The following KCNH8 variants were observed in gnomAD, a reference collection of about 807,000 sequenced individuals.
The protein encoded by KCNH8 is voltage-gated delayed rectifier potassium channel KCNH8.
In KCNH8, 70 loss-of-function variants were observed where a neutral mutation model predicts 103.6. The ratio of observed to expected loss-of-function variants is 0.68; its 90% CI spans 0.56 to 0.82. The LOEUF (loss-of-function observed/expected upper bound fraction) is 0.82. Ranked by LOEUF, KCNH8 falls within the 40% of genes least tolerant of loss-of-function variation. The pLI is 0.00. For synonymous variants in KCNH8, 498 were observed against 489.4 expected (o/e 1.02, Z -0.23); for missense variants, 1,217 against 1,329.9 (o/e 0.92, Z 1.32).
intron 3 of KCNH8, among the ~76,000 whole-genome samples, chr3:19,332,807 A>G (rs2065529675): frequency 6.6e-6 from 1 of 151,706 alleles, no homozygotes; most frequent in Non-Finnish European, 1.5e-5. Flanking sequence ...TAATTTTTGT[A>G]TTTTCAGTAG....
intron 11 of KCNH8, among the ~76,000 whole-genome samples, chr3:19,500,915 A>G (rs1219660458): frequency 6.6e-6 from 1 of 152,234 alleles, no homozygotes; most frequent in Non-Finnish European, 1.5e-5. Context: ...AAGGCAAGAA[A>G]TAACTAAGAT....
intron 1 of KCNH8, among the ~76,000 whole-genome samples, chr3:19,226,660 G>T (rs1297719115): frequency 6.2e-5 from 9 of 146,082 alleles, no homozygotes; most frequent in African/African-American, 2.5e-4. Context: ...AATTCACTCT[G>T]CAGGAAAGGC....
At chr3:19,482,206 A>G (rs2068100603) in intron 11 of KCNH8, among the ~76,000 whole-genome samples, 2 of 152,196 alleles carry the variant, frequency 1.3e-5, no homozygotes, top group Admixed American at 1.3e-4. Context: ...TACAATGTCT[A>G]TAATCTATAG....
intron 1 of KCNH8, among the ~76,000 whole-genome samples, chr3:19,155,936 T>C (rs1030262334): frequency 2.6e-5 from 4 of 152,204 alleles, no homozygotes; most frequent in African/African-American, 4.8e-5. Context: ...GTTGAAATGG[T>C]CTTTGCTCAG....
At chr3:19,340,075 A>T (rs1466210367) in intron 3 of KCNH8, among the ~76,000 whole-genome samples, 4 of 152,094 alleles carry the variant, frequency 2.6e-5, no homozygotes, top group African/African-American at 9.7e-5. Context: ...GTAAATGGAG[A>T]ATAATAATAC....
chr3:19,496,484 A>G (rs1230219544), intron 11 of KCNH8, among the ~76,000 whole-genome samples: 2 of 152,002 alleles, frequency 1.3e-5, no homozygotes, highest in African/African-American at 4.8e-5. Context: ...TCTTTACGTG[A>G]TGAATCATAT....
At chr3:19,288,018 A>G (rs1266953356) in intron 3 of KCNH8, among the ~76,000 whole-genome samples, 2 of 151,882 alleles carry the variant, frequency 1.3e-5, no homozygotes, top group Admixed American at 6.6e-5. Flanking sequence ...CACTTGGAAT[A>G]TATCTTTGTC....
intron 1 of KCNH8, among the ~76,000 whole-genome samples, chr3:19,204,639 T>C (rs2125220216): frequency 6.6e-6 from 1 of 152,086 alleles, no homozygotes; most frequent in Non-Finnish European, 1.5e-5. Context: ...GTATTGTAAA[T>C]GTAAAAAAAT....
At chr3:19,498,028 A>C (rs1000703827) in intron 11 of KCNH8, among the ~76,000 whole-genome samples, 1 of 152,098 alleles carries the variant, frequency 6.6e-6, no homozygotes, top group African/African-American at 2.4e-5. Flanking sequence ...TGTTGGTTTA[A>C]AGTCTGTTTT....
chr3:19,323,792 G>C (rs2065383756), intron 3 of KCNH8, among the ~76,000 whole-genome samples: 1 of 152,182 alleles, frequency 6.6e-6, no homozygotes, highest in Admixed American at 6.5e-5. Context: ...TAGCCACCCA[G>C]TGGAGCAACT....
At chr3:19,257,751 A>G (rs1157043803) in intron 2 of KCNH8, among the ~76,000 whole-genome samples, 1 of 152,088 alleles carries the variant, frequency 6.6e-6, no homozygotes, top group Non-Finnish European at 1.5e-5. Flanking sequence ...GTGATGTATT[A>G]GTTTGTTAGG....
At chr3:19,478,299 C>T (rs1278430422) in intron 11 of KCNH8, among the ~76,000 whole-genome samples, 2 of 151,766 alleles carry the variant, frequency 1.3e-5, no homozygotes, top group Non-Finnish European at 2.9e-5. Flanking sequence ...GGTGTATACC[C>T]AGTAGTGGGA....
At chr3:19,451,734 C>G (rs1007602826) in intron 10 of KCNH8, among the ~76,000 whole-genome samples, 1 of 152,098 alleles carries the variant, frequency 6.6e-6, no homozygotes. Flanking sequence ...ATATATACTG[C>G]CTTCTGGTGA....
chr3:19,187,765 A>G (rs946642930), intron 1 of KCNH8, among the ~76,000 whole-genome samples: 3 of 152,096 alleles, frequency 2.0e-5, no homozygotes, highest in Admixed American at 1.3e-4. Context: ...TTTATTAAAT[A>G]TGTTTTAAAT....
Position 19,533,660 on chromosome 3 carries a change from A to T in KCNH8, c.2885A>T (p.Asp962Val). Residue 962 changes from aspartate to valine, a missense_variant, in exon 16 of 16, where the codon GAT (aspartate) becomes GTT (valine). By Grantham distance (152) the Asp-to-Val change is radical. Coordinates refer to ENST00000328405, the MANE Select transcript of KCNH8 (RefSeq NM_144633.3). Reference sequence around the variant, plus strand: ...ATCACCTCAGACATTTGGAGTGTGGATCCCTCCTCTGTGGGGAGCAGCCCC... The same window carrying T: ...ATCACCTCAGACATTTGGAGTGTGGTTCCCTCCTCTGTGGGGAGCAGCCCC... ...SNITSDIWSV[D>V]PSSVGSSPQR... is the part of the protein sequence containing the mutation. The T allele has an allele frequency of 1.2e-6, 2 of 1,614,132 alleles. No individual in the cohort carries two copies. Among genetic ancestry groups the T allele is most frequent in the East Asian group, 4.5e-5 (2 of 44,874 alleles).
chr3:19,341,566 TATG>T (rs2065660034), intron 3 of KCNH8, among the ~76,000 whole-genome samples: 1 of 152,108 alleles, frequency 6.6e-6, no homozygotes, highest in African/African-American at 2.4e-5. Context: ...TGGTGGCACA[TATG>T]ATGAGAAAAT....
At chr3:19,182,611 C>G (rs1050388438) in intron 1 of KCNH8, among the ~76,000 whole-genome samples, 2 of 152,122 alleles carry the variant, frequency 1.3e-5, no homozygotes, top group Admixed American at 1.3e-4. Flanking sequence ...TGATATAATC[C>G]TGTGAAGAAG....
chr3:19,472,848 ACAAAATACATCT>A (rs2067891914), intron 11 of KCNH8, among the ~76,000 whole-genome samples: 1 of 152,238 alleles, frequency 6.6e-6, no homozygotes, highest in Non-Finnish European at 1.5e-5. Context: ...AGTCAAATAA[ACAAAATACATCT>A]CATCTTTTTT....
At chr3:19,285,140 AAAATT>A (rs1445914929) in intron 3 of KCNH8, among the ~76,000 whole-genome samples, 10 of 151,794 alleles carry the variant, frequency 6.6e-5, no homozygotes, top group Middle Eastern at 3.4e-3. Context: ...TTAGTTAATT[AAAATT>A]AAATTAATTT....
Sources: gnomAD v4.1 joint callset for allele counts (sites outside exome capture counted in the v4.1 genomes callset) on GRCh38, gnomAD v4.1.1 for gene constraint, MANE v1.5 for transcripts, NCBI Gene and HGNC (gene_info 2026-07-23, HGNC 2026-07-21) for gene names.